QTMAN: variants seen among roughly 807,000 people sequenced by gnomAD.
QTMAN encodes the protein queuosine-tRNA mannosyltransferase, also known as tRNA-queuosine alpha-mannosyltransferase.
At chr2:144,041,442 C>A in the QTMAN span, among the ~76,000 whole-genome samples, 168 of 152,214 alleles carry the variant, frequency 1.1e-3, 2 homozygotes, top group African/African-American at 3.9e-3. Context: ...TGTCACATAC[C>A]AGTACCTGTA....
At chr2:144,147,389 C>T in the QTMAN span, among the ~76,000 whole-genome samples, 1 of 151,748 alleles carries the variant, frequency 6.6e-6, no homozygotes, top group African/African-American at 2.4e-5. Context: ...CACACCACTA[C>T]CACATATAAG....
At chr2:144,275,185 C>G in the QTMAN span, among the ~76,000 whole-genome samples, 1 of 152,056 alleles carries the variant, frequency 6.6e-6, no homozygotes, top group African/African-American at 2.4e-5. Flanking sequence ...GAGATTGAGA[C>G]CATCCTGGCT....
the QTMAN span, among the ~76,000 whole-genome samples, chr2:144,028,114 ATAT>A: frequency 3.9e-5 from 6 of 152,148 alleles, no homozygotes; most frequent in Non-Finnish European, 5.9e-5. Context: ...CATAAATGTA[ATAT>A]TATAAAACCT....
chr2:144,000,226 G>A, the QTMAN span, among the ~76,000 whole-genome samples: 1 of 152,002 alleles, frequency 6.6e-6, no homozygotes, highest in East Asian at 1.9e-4. Context: ...AAATAAAACT[G>A]TAAGTCATAT....
chr2:144,189,048 A>T, the QTMAN span, among the ~76,000 whole-genome samples: 1 of 152,252 alleles, frequency 6.6e-6, no homozygotes, highest in African/African-American at 2.4e-5. Flanking sequence ...AAAATGAAAC[A>T]GATAATACTA....
chr2:143,974,652 T>A, the QTMAN span, among the ~76,000 whole-genome samples: 1 of 152,350 alleles, frequency 6.6e-6, no homozygotes, highest in Non-Finnish European at 1.5e-5. Context: ...GGCATAGGTA[T>A]ACCGAAAGTT....
At chr2:144,164,064 A>ATGCCT in the QTMAN span, among the ~76,000 whole-genome samples, 61 of 152,106 alleles carry the variant, frequency 4.0e-4, no homozygotes, top group South Asian at 0.012. Flanking sequence ...CTGGGACCAC[A>ATGCCT]GGTGTGCGCC....
chr2:144,067,024 T>C, the QTMAN span, among the ~76,000 whole-genome samples: 1 of 152,202 alleles, frequency 6.6e-6, no homozygotes, highest in South Asian at 2.1e-4. Context: ...ACCTTCAAAA[T>C]ATATCCTGAA....
chr2:144,324,324 T>C, the QTMAN span, among the ~76,000 whole-genome samples: 5 of 152,214 alleles, frequency 3.3e-5, no homozygotes, highest in Admixed American at 6.5e-5. Context: ...TGTCTTTAAA[T>C]AGTACAAAAC....
At chr2:144,106,698 G>A in the QTMAN span, among the ~76,000 whole-genome samples, 3 of 152,230 alleles carry the variant, frequency 2.0e-5, no homozygotes, top group Non-Finnish European at 2.9e-5. Context: ...ACAGATCAAC[G>A]AGACAGAAAG....
At chr2:144,209,518 A>C in the QTMAN span, among the ~76,000 whole-genome samples, 4 of 152,256 alleles carry the variant, frequency 2.6e-5, no homozygotes, top group Non-Finnish European at 4.4e-5. Context: ...ATGTGTGTGA[A>C]CCAGTAAGGT....
the QTMAN span, among the ~76,000 whole-genome samples, chr2:144,128,848 G>A: frequency 6.6e-6 from 1 of 151,914 alleles, no homozygotes; most frequent in Non-Finnish European, 1.5e-5. Context: ...AAATGTAGTT[G>A]ACATTTTTGT....
chr2:144,157,203 C>T, the QTMAN span, among the ~76,000 whole-genome samples: 1 of 151,992 alleles, frequency 6.6e-6, no homozygotes, highest in East Asian at 1.9e-4. Flanking sequence ...CTCCACACAA[C>T]GTAGACAAAG....
the QTMAN span, among the ~76,000 whole-genome samples, chr2:144,115,868 G>T: frequency 3.3e-5 from 5 of 152,282 alleles, no homozygotes; most frequent in Admixed American, 6.5e-5. Flanking sequence ...GGTATTCAGA[G>T]AAATTCTTTC....
the QTMAN span, among the ~76,000 whole-genome samples, chr2:144,277,973 G>C: frequency 1.3e-5 from 2 of 152,166 alleles, no homozygotes; most frequent in South Asian, 4.1e-4. Context: ...AGCACTCCTA[G>C]GAAGCCAAAG....
chr2:143,999,797 G>A, the QTMAN span, among the ~76,000 whole-genome samples: 2 of 152,060 alleles, frequency 1.3e-5, no homozygotes, highest in Admixed American at 6.6e-5. Flanking sequence ...ATGAAACAGC[G>A]TCTTTTGCAA....
At chr2:144,253,672 T>A in the QTMAN span, among the ~76,000 whole-genome samples, 1 of 151,898 alleles carries the variant, frequency 6.6e-6, no homozygotes, top group Non-Finnish European at 1.5e-5. Context: ...GATCTGGGTA[T>A]CTGGCAGAAG....
chr2:143,989,676 TAC>T, the QTMAN span, among the ~76,000 whole-genome samples: 2 of 152,156 alleles, frequency 1.3e-5, no homozygotes, highest in Admixed American at 1.3e-4. Context: ...TACATATATA[TAC>T]ACACACATAC....
chr2:143,963,715 C>T, the QTMAN span: 1 of 152,028 alleles, frequency 6.6e-6, no homozygotes, highest in Non-Finnish European at 1.5e-5. Flanking sequence ...TTAAGAGATA[C>T]CATCATTTCT....
Sources: allele counts gnomAD v4.1 joint callset (sites outside exome capture counted in the v4.1 genomes callset), GRCh38; gene constraint gnomAD v4.1.1; transcripts MANE v1.5; gene names NCBI Gene and HGNC (gene_info 2026-07-23, HGNC 2026-07-21).